ATP13A4: variants seen among roughly 807,000 people sequenced by gnomAD.
ATP13A4 encodes ATPase 13A4.
In ATP13A4, 114 loss-of-function variants were observed where a neutral mutation model predicts 142.5. The observed-to-expected ratio is 0.80, with a 90% CI of 0.69 to 0.93. The LOEUF is 0.93. Ranked by LOEUF, ATP13A4 falls within the 40% of genes least tolerant of loss-of-function variation. The pLI, the probability that ATP13A4 is intolerant of heterozygous loss-of-function variation, is 0.00. For missense variants in ATP13A4, 1,392 were observed against 1,454.0 expected (o/e 0.96, Z 0.69); for synonymous variants, 488 against 514.8 (o/e 0.95, Z 0.70).
chr3:193,560,199 T>A (rs994437219), intron 2 of ATP13A4, among the ~76,000 whole-genome samples: 8 of 151,918 alleles, frequency 5.3e-5, no homozygotes, highest in African/African-American at 1.7e-4. Flanking sequence ...TCACACAACA[T>A]CATATTGCTA....
chr3:193,481,082 C>CAA (rs764736518), intron 8 of ATP13A4, among the ~76,000 whole-genome samples: 4 of 152,100 alleles, frequency 2.6e-5, no homozygotes, highest in Non-Finnish European at 1.5e-5. Context: ...TATGAGGACA[C>CAA]AAAGGCATAA....
chr3:193,431,742 ACACATATATATGTTTCC>A (rs1246852051), intron 25 of ATP13A4, among the ~76,000 whole-genome samples: 2 of 150,940 alleles, frequency 1.3e-5, no homozygotes, highest in Admixed American at 6.6e-5. Context: ...TTATATATAC[ACACATATATATGTTTCC>A]CATATATATA....
chr3:193,548,584 T>C (rs144465366), intron 1 of ATP13A4, among the ~76,000 whole-genome samples: 1 of 152,340 alleles, frequency 6.6e-6, no homozygotes, highest in Non-Finnish European at 1.5e-5. Context: ...GTGGGTTCAC[T>C]AGTTAACATT....
rs1357371777 is a variant in ATP13A4 at position 193,459,136 on chromosome 3, T to A, written c.1619A>T (p.Asp540Val). 1.2e-6 allele frequency: 2 copies of A among 1,614,206 alleles called. No individual in the cohort carries two copies. The highest frequency in any genetic ancestry group is 2.2e-5 in the East Asian group (1 of 44,874). ...MASCHSLILL[D>V]GTIQGDPLDL... ...CAGAGGGTCTCCCTGGATGGTCCCA[T>A]CAAGAAGGATCAGAGAGTGGCAGCT... Residue 540 changes from aspartate (D) to valine (V), a missense_variant, in exon 14 of 30, where the codon GAT becomes GTT. Transcript: ENST00000342695.
At chr3:193,413,334 C>G (rs1714874015) in intron 26 of ATP13A4, among the ~76,000 whole-genome samples, 2 of 152,108 alleles carry the variant, frequency 1.3e-5, no homozygotes, top group Admixed American at 6.6e-5. Flanking sequence ...CTCAGGACCA[C>G]TATTGTACAA....
intron 1 of ATP13A4, among the ~76,000 whole-genome samples, chr3:193,526,936 G>A (rs2108697267): frequency 6.6e-6 from 1 of 151,940 alleles, no homozygotes; most frequent in South Asian, 2.1e-4. Flanking sequence ...ACATTTTTGT[G>A]GCACTTCAAA....
intron 25 of ATP13A4, among the ~76,000 whole-genome samples, chr3:193,421,578 A>G (rs4686637): frequency 0.51 from 75,535 of 149,090 alleles, 21,448 homozygotes; most frequent in Non-Finnish European, 0.58. Context: ...AAAAGCCAAA[A>G]CAGTCAAATA....
At chr3:193,562,642 T>TG (rs1724044064) in intron 2 of ATP13A4, among the ~76,000 whole-genome samples, 1 of 152,004 alleles carries the variant, frequency 6.6e-6, no homozygotes, top group African/African-American at 2.4e-5. Flanking sequence ...GAGGTCGAGG[T>TG]GTGCAGATGA....
intron 26 of ATP13A4, among the ~76,000 whole-genome samples, chr3:193,412,727 G>A (rs1336136446): frequency 2.0e-5 from 3 of 152,126 alleles, no homozygotes; most frequent in Middle Eastern, 3.2e-3. Context: ...CCTCCCTCAA[G>A]TGGCTTAATA....
chr3:193,431,809 T>C (rs944809526), intron 25 of ATP13A4, among the ~76,000 whole-genome samples: 1 of 151,684 alleles, frequency 6.6e-6, no homozygotes, highest in Non-Finnish European at 1.5e-5. Context: ...TAAATATATA[T>C]GTATATTCAA....
chr3:193,457,345 G>T (rs755624135), intron 15 of ATP13A4, 34 bp downstream of exon 15: 1 of 1,606,342 alleles, frequency 6.2e-7, no homozygotes, highest in South Asian at 1.1e-5. Flanking sequence ...CTTTGAGTTT[G>T]GGTGTTGTGG....
chr3:193,537,076 C>G (rs1722627436), intron 1 of ATP13A4, among the ~76,000 whole-genome samples: 1 of 151,938 alleles, frequency 6.6e-6, no homozygotes, highest in Non-Finnish European at 1.5e-5. Context: ...CAAAATCCCA[C>G]TAAGATTTTT....
intron 29 of ATP13A4, chr3:193,404,102 A>G (rs1418461167): frequency 1.0e-6 from 1 of 985,262 alleles, no homozygotes; most frequent in Non-Finnish European, 1.2e-6. Context: ...GAGTTATTCT[A>G]CTTTCCTGCA....
At chr3:193,581,588 GCATT>G (rs1724547278) in intron 2 of ATP13A4, 1 of 152,084 alleles carries the variant, frequency 6.6e-6, no homozygotes, top group African/African-American at 2.4e-5. Context: ...CAAATTCCTA[GCATT>G]CCTAATCCCT....
intron 14 of ATP13A4, chr3:193,458,690 A>G (rs548573695): frequency 2.0e-5 from 8 of 392,628 alleles, no homozygotes; most frequent in African/African-American, 1.4e-4. Context: ...TATCCTGAGC[A>G]CTGGAGAAAG....
chr3:193,550,305 G>GTT (rs66816945), intron 1 of ATP13A4, among the ~76,000 whole-genome samples: 60 of 131,958 alleles, frequency 4.5e-4, no homozygotes, highest in African/African-American at 6.8e-4. Flanking sequence ...TGAATTTTAG[G>GTT]TTTTTTTTTT....
intron 17 of ATP13A4, among the ~76,000 whole-genome samples, chr3:193,452,808 TAAAC>T (rs1168403926): frequency 4.0e-5 from 6 of 149,676 alleles, no homozygotes; most frequent in Non-Finnish European, 7.4e-5. Context: ...TATCTTATAT[TAAAC>T]AATTACAAAA....
At chr3:193,548,336 G>T (rs1329489035) in intron 1 of ATP13A4, among the ~76,000 whole-genome samples, 1 of 152,180 alleles carries the variant, frequency 6.6e-6, no homozygotes, top group African/African-American at 2.4e-5. Flanking sequence ...AATTCTGGGT[G>T]TAATGGGAAG....
At chr3:193,576,304 G>T (rs978252913) in intron 2 of ATP13A4, among the ~76,000 whole-genome samples, 12 of 111,042 alleles carry the variant, frequency 1.1e-4, no homozygotes, top group Non-Finnish European at 2.0e-4. Flanking sequence ...TCGCTCTGTC[G>T]CCCAGGCCGG....
Sources: gnomAD v4.1 joint callset for allele counts (sites outside exome capture counted in the v4.1 genomes callset) on GRCh38, gnomAD v4.1.1 for gene constraint, MANE v1.5 for transcripts, NCBI Gene and HGNC (gene_info 2026-07-23, HGNC 2026-07-21) for gene names.